Variants in PGS1 observed in about 807,000 individuals in gnomAD.
The protein encoded by PGS1 is phosphatidylglycerophosphate synthase 1, also known as CDP-diacylglycerol--glycerol-3-phosphate 3-phosphatidyltransferase, mitochondrial.
PGS1 carries 44 observed loss-of-function variants against 58.3 expected under a neutral mutation model. That is an observed-to-expected ratio of 0.75 (90% CI 0.59 to 0.97). PGS1 has a LOEUF of 0.97. Among genes scored for constraint, PGS1 ranks in the 50% least tolerant of loss-of-function variants. PGS1 has a pLI of 0.00. For missense variants in PGS1, 684 were observed against 731.1 expected (o/e 0.94, Z 0.74); for synonymous variants, 330 against 311.0 (o/e 1.06, Z -0.64).
At position 78,378,664 on chromosome 17, in the gene PGS1, C is replaced by T. The variant is rs539757136; in HGVS notation, c.-2C>T. 38 of 1,534,184 alleles carry T rather than the reference C, an allele frequency of 2.5e-5. No individual in the cohort carries two copies. The highest frequency in any genetic ancestry group is 2.4e-4 in the Admixed American group (12 of 50,386). The stretch of plus-strand genomic sequence containing the variant: ...GAGCGGAAGCGGAAGCGGCGAGTCT[C>T]CATGGCGGTGGCGGCGGCAGCTGCG... On this transcript the variant is annotated 5_prime_UTR_variant, in exon 1 of 10. Transcript: ENST00000262764.
chr17:78,390,062 T>TCCCCCCCCCCCCCCCCCCCCCCCCCC (rs1555628316), intron 1 of PGS1, among the ~76,000 whole-genome samples: 17 of 128,576 alleles, frequency 1.3e-4, no homozygotes, highest in East Asian at 2.2e-4. Flanking sequence ...TGTTGCCTGT[T>TCCCCCCCCCCCCCCCCCCCCCCCCCC]CCCCCGCCCC....
At chr17:78,379,875 C>CT (rs141604982) in intron 1 of PGS1, among the ~76,000 whole-genome samples, 21,489 of 146,728 alleles carry the variant, frequency 0.15, 1,785 homozygotes, top group African/African-American at 0.23. Flanking sequence ...CTTTTCTTTT[C>CT]TTTTTTTTTT....
chr17:78,395,800 G>T (rs1349590437), intron 2 of PGS1, among the ~76,000 whole-genome samples: 1 of 152,208 alleles, frequency 6.6e-6, no homozygotes, highest in Non-Finnish European at 1.5e-5. Context: ...GTGCAGTGGT[G>T]TGATCACAGC....
rs148865387 is a variant in PGS1 at position 78,412,536 on chromosome 17, G to C, written c.1403-2343G>C. ...CACTGGAGGTGGCCTGTCTGCCTCAGCGCTGGCCTCTAGGTGGCCTCATAA... is the reference window on the plus strand; with the variant it reads ...CACTGGAGGTGGCCTGTCTGCCTCACCGCTGGCCTCTAGGTGGCCTCATAA... On this transcript the variant is annotated intron_variant, in intron 7 of 9. Transcript: ENST00000262764. 2.7e-3 allele frequency among the ~76,000 whole-genome samples: 417 copies of C among 152,342 alleles called. 1 individual carries two copies. The highest frequency in any genetic ancestry group is 8.5e-3 in the African/African-American group (355 of 41,572).
rs891331092 is a variant in PGS1, at chr17:78,380,852, C to CTTTTTTT, written c.143+2049_143+2055dup. 1.2e-3 allele frequency: 182 copies of CTTTTTTT among 146,204 alleles called. 1 individual carries two copies. The highest frequency in any genetic ancestry group is 4.3e-3 in the African/African-American group (172 of 40,130). The allele number at this position is 146,204 out of a possible 1,614,324, so 9.1% of individuals were successfully genotyped here. A position where few individuals can be genotyped will look rare whatever the true frequency, so the allele number is the denominator to read the frequency against. On this transcript the variant is annotated intron_variant, in intron 1 of 9. Transcript: ENST00000262764. ...GTGTGCTTTTTTTCTTTTTCTTTTT[C>CTTTTTTT]TTTTTTTTTTTGAGACAGAGTCTTG... is the stretch of plus-strand genomic sequence containing the variant.
At position 78,396,301 on chromosome 17, in the gene PGS1, C is replaced by G. The variant is rs1292643785; in HGVS notation, c.334-7C>G. On this transcript the variant is annotated splice_polypyrimidine_tract_variant and splice_region_variant and intron_variant, in intron 2 of 9. Transcript: ENST00000262764. ...AATTTGAATTTTGAATTTTTCTCCT[C>G]TCTCAGGGGCAGATAAGAGTAGCCA... The G allele has an allele frequency of 6.2e-7, 1 of 1,609,302 alleles. No homozygotes were observed. Among genetic ancestry groups the G allele is most frequent in the Non-Finnish European group, 8.5e-7 (1 of 1,175,706 alleles).
chr17:78,423,172 T>C (rs778998680), intron 9 of PGS1, among the ~76,000 whole-genome samples: 4 of 151,572 alleles, frequency 2.6e-5, no homozygotes, highest in East Asian at 1.9e-4. Context: ...CGTTTGCCGC[T>C]GTCTCCCCTC....
At chr17:78,394,476 C>T (rs551425256) in intron 2 of PGS1, among the ~76,000 whole-genome samples, 3 of 152,268 alleles carry the variant, frequency 2.0e-5, no homozygotes, top group South Asian at 2.1e-4. Context: ...TTGTTTGTAC[C>T]GAATGATGCT....
chr17:78,415,124 G>A, intron 8 of PGS1, 97 bp downstream of exon 8: 2 of 1,383,112 alleles, frequency 1.4e-6, no homozygotes, highest in Non-Finnish European at 2.0e-6. Flanking sequence ...GCTGTTTCCT[G>A]AGGCAACGAG....
chr17:78,414,618 A>G (rs1396906344), intron 7 of PGS1, among the ~76,000 whole-genome samples: 1 of 152,120 alleles, frequency 6.6e-6, no homozygotes, highest in African/African-American at 2.4e-5. Context: ...CTTGGGACAC[A>G]AGGCCACAGT....
chr17:78,414,431 T>C (rs2084995426), intron 7 of PGS1, among the ~76,000 whole-genome samples: 1 of 152,158 alleles, frequency 6.6e-6, no homozygotes, highest in Non-Finnish European at 1.5e-5. Flanking sequence ...CAGTGCAGGC[T>C]CTGAGCTTAG....
chr17:78,424,310 T>G lies in PGS1; in HGVS notation c.*260T>G. On this transcript the variant is annotated 3_prime_UTR_variant, in exon 10 of 10. Transcript: ENST00000262764. ...CTGCCACGGCTGGAAGCAGAGGCCT[T>G]CGTAGGTGATGGCCTGCATGTTGTA... 1.1e-6 allele frequency: 1 copy of G among 885,944 alleles called. No individual in the cohort carries two copies. The highest frequency in any genetic ancestry group is 1.7e-6 in the Non-Finnish European group (1 of 600,442). The allele number at this position is 885,944 out of a possible 1,614,324, so 54.9% of individuals were successfully genotyped here.
chr17:78,423,433 G>A (rs931881458), intron 9 of PGS1, among the ~76,000 whole-genome samples: 19 of 152,250 alleles, frequency 1.2e-4, no homozygotes, highest in South Asian at 4.1e-4. Context: ...GTGTGGAGGC[G>A]GCAGCTCCTG....
chr17:78,386,262 G>A (rs1020459911), intron 1 of PGS1, among the ~76,000 whole-genome samples: 10 of 152,186 alleles, frequency 6.6e-5, no homozygotes, highest in African/African-American at 2.4e-4. Context: ...ATTTGTTTTG[G>A]TTGTTGCTGA....
rs2086292806 is a variant in PGS1 at position 78,424,261 on chromosome 17, C to G, written c.*211C>G. 7.2e-6 allele frequency: 10 copies of G among 1,396,116 alleles called. No homozygotes were observed. In the South Asian group the frequency reaches 8.6e-5, roughly 12 times the overall value. 86.5% of individuals were successfully genotyped at this position (1,396,116 alleles called of 1,614,324 possible). A position where few individuals can be genotyped will look rare whatever the true frequency, so the allele number is the denominator to read the frequency against. ...TCCCCGCCCTCTGCAGAGCTGGGCT[C>G]TACCCCAAAAGGCTTCAGGCCAGCT... On this transcript the variant is annotated 3_prime_UTR_variant, in exon 10 of 10. Transcript: ENST00000262764.
intron 8 of PGS1, 31 bp from the exon 9 acceptor site, chr17:78,419,515 C>T (rs1228853326): frequency 3.1e-6 from 5 of 1,602,022 alleles, no homozygotes; most frequent in Non-Finnish European, 4.3e-6. Flanking sequence ...GAGGGGACTC[C>T]TCACTATTCC....
intron 7 of PGS1, among the ~76,000 whole-genome samples, chr17:78,414,545 A>G (rs2146311545): frequency 6.6e-6 from 1 of 152,246 alleles, no homozygotes; most frequent in South Asian, 2.1e-4. Flanking sequence ...GCAGGGGTGT[A>G]TGAGAGCAGG....
intron 8 of PGS1, 136 bp downstream of exon 8, chr17:78,415,163 C>T: frequency 9.9e-7 from 1 of 1,006,642 alleles, no homozygotes. Flanking sequence ...AAGAAAGACT[C>T]TGGGTCTCCA....
intron 1 of PGS1, among the ~76,000 whole-genome samples, chr17:78,384,451 G>C (rs941368644): frequency 6.6e-6 from 1 of 152,222 alleles, no homozygotes; most frequent in Non-Finnish European, 1.5e-5. Flanking sequence ...GTGACTGAGA[G>C]GGTAGGGTGA....
Sources: allele counts gnomAD v4.1 joint callset (sites outside exome capture counted in the v4.1 genomes callset), GRCh38; gene constraint gnomAD v4.1.1; transcripts MANE v1.5; gene names NCBI Gene and HGNC (gene_info 2026-07-23, HGNC 2026-07-21).